The following RCAN1 variants were observed in gnomAD, a reference collection of about 807,000 sequenced individuals.
RCAN1 encodes calcipressin-1.
RCAN1 carries 11 observed loss-of-function variants against 22.9 expected under a neutral mutation model. That is an observed-to-expected ratio of 0.48 (90% CI 0.30 to 0.79). The LOEUF (loss-of-function observed/expected upper bound fraction) is 0.79, where lower values mean the gene tolerates loss of function less well. RCAN1 is among the 30% of genes least tolerant of loss of function. The probability of loss-of-function intolerance (pLI) is 0.06; values close to 1 mark genes in which losing one functional copy is unlikely to be tolerated. For missense variants in RCAN1, 291 were observed against 337.8 expected (o/e 0.86, Z 1.09); for synonymous variants, 136 against 142.3 (o/e 0.96, Z 0.32).
At chr21:34,541,684 C>T (rs1225217714) in intron 1 of RCAN1, among the ~76,000 whole-genome samples, 1 of 152,168 alleles carries the variant, frequency 6.6e-6, no homozygotes, top group East Asian at 1.9e-4. Flanking sequence ...CCTGTAATGC[C>T]AGCACTTTGG....
chr21:34,527,682 C>T (rs1456054957), intron 1 of RCAN1, among the ~76,000 whole-genome samples: 1 of 152,154 alleles, frequency 6.6e-6, no homozygotes, highest in African/African-American at 2.4e-5. Context: ...AGCAAAGAAG[C>T]ATTAACCCAT....
intron 1 of RCAN1, among the ~76,000 whole-genome samples, chr21:34,564,794 A>G (rs1346578112): frequency 2.0e-5 from 3 of 152,150 alleles, no homozygotes; most frequent in Non-Finnish European, 4.4e-5. Flanking sequence ...GTGCTACCCA[A>G]TATGTGATCA....
intron 1 of RCAN1, among the ~76,000 whole-genome samples, chr21:34,603,699 G>A (rs938061375): frequency 6.6e-6 from 1 of 152,176 alleles, no homozygotes; most frequent in African/African-American, 2.4e-5. Flanking sequence ...GGGTGAAGAA[G>A]TCTCCTTCAT....
intron 1 of RCAN1, among the ~76,000 whole-genome samples, chr21:34,583,385 C>G (rs965933014): frequency 6.6e-6 from 1 of 152,140 alleles, no homozygotes; most frequent in African/African-American, 2.4e-5. Context: ...CCATGTTGGT[C>G]AGGCTGGTCT....
chr21:34,594,141 A>G (rs1029680261), intron 1 of RCAN1, among the ~76,000 whole-genome samples: 10 of 152,216 alleles, frequency 6.6e-5, no homozygotes, highest in Admixed American at 1.3e-4. Context: ...TGAGAGCTGA[A>G]TGGGCAAAGG....
chr21:34,555,934 G>A (rs767624415), intron 1 of RCAN1, among the ~76,000 whole-genome samples: 1 of 151,690 alleles, frequency 6.6e-6, no homozygotes, highest in African/African-American at 2.4e-5. Flanking sequence ...ATGGTGGCGG[G>A]TGCCTGTCGT....
In RCAN1 at chr21:34,613,280, CA is replaced by C. The variant is rs563298043; in HGVS notation, c.252+1479del. 2.3e-3 allele frequency among the ~76,000 whole-genome samples: 354 copies of C among 152,330 alleles called. 2 individuals are homozygous for C. The highest frequency in any genetic ancestry group is 8.1e-3 in the African/African-American group (338 of 41,564). On this transcript the variant is annotated intron_variant, in intron 1 of 3. Coordinates refer to ENST00000313806, the MANE Select transcript of RCAN1 (RefSeq NM_004414.7). ...CAAGTCTTATTTTTTCCTATAGCAT[CA>C]TTACTTTCTGATACATTTGATATTT... is the stretch of plus-strand genomic sequence containing the variant.
At chr21:34,584,060 T>C (rs1987711436) in intron 1 of RCAN1, among the ~76,000 whole-genome samples, 1 of 152,248 alleles carries the variant, frequency 6.6e-6, no homozygotes. Flanking sequence ...GAATGGTTGT[T>C]CCTGCTCCTA....
intron 1 of RCAN1, among the ~76,000 whole-genome samples, chr21:34,597,136 T>C (rs1845767446): frequency 6.6e-6 from 1 of 152,110 alleles, no homozygotes; most frequent in Non-Finnish European, 1.5e-5. Context: ...TACCCTTCCA[T>C]GAATGAGCGA....
intron 1 of RCAN1, among the ~76,000 whole-genome samples, chr21:34,563,938 C>T (rs1306364450): frequency 1.3e-5 from 2 of 150,854 alleles, no homozygotes; most frequent in Non-Finnish European, 3.0e-5. Context: ...TGCACTCTAG[C>T]GTGGGCGACA....
chr21:34,557,649 T>C (rs1568907382), intron 1 of RCAN1, among the ~76,000 whole-genome samples: 1 of 152,214 alleles, frequency 6.6e-6, no homozygotes, highest in Non-Finnish European at 1.5e-5. Context: ...GACAATTTTT[T>C]AAAATAGTAA....
chr21:34,538,529 T>C (rs371689160), intron 1 of RCAN1, among the ~76,000 whole-genome samples: 5 of 152,268 alleles, frequency 3.3e-5, no homozygotes, highest in East Asian at 1.9e-4. Context: ...TACTGGCCGC[T>C]TCCAGACTCT....
chr21:34,573,039 T>C (rs1987287149), intron 1 of RCAN1, among the ~76,000 whole-genome samples: 1 of 152,210 alleles, frequency 6.6e-6, no homozygotes, highest in African/African-American at 2.4e-5. Context: ...ACCATATCCT[T>C]GGCTTATCTG....
chr21:34,538,100 C>T (rs1285695447), intron 1 of RCAN1, among the ~76,000 whole-genome samples: 1 of 152,112 alleles, frequency 6.6e-6, no homozygotes. Flanking sequence ...AATTCACTTA[C>T]AGATTTCTAC....
At chr21:34,575,742 AGC>A (rs1373294585) in intron 1 of RCAN1, among the ~76,000 whole-genome samples, 1 of 152,190 alleles carries the variant, frequency 6.6e-6, no homozygotes. Flanking sequence ...GGACTTCCTA[AGC>A]GCAGTTCCAT....
intron 1 of RCAN1, among the ~76,000 whole-genome samples, chr21:34,541,656 C>A (rs966934711): frequency 9.2e-5 from 14 of 152,204 alleles, no homozygotes; most frequent in African/African-American, 3.4e-4. Context: ...ATTCACGGGG[C>A]GGGAGCGATG....
At chr21:34,532,858 C>T (rs971108029) in intron 1 of RCAN1, among the ~76,000 whole-genome samples, 4 of 152,154 alleles carry the variant, frequency 2.6e-5, no homozygotes, top group East Asian at 1.9e-4. Flanking sequence ...ATCTTACTTT[C>T]GAACATTGCA....
chr21:34,600,736 G>A (rs1557267), intron 1 of RCAN1, among the ~76,000 whole-genome samples: 58,446 of 152,094 alleles, frequency 0.38, 11,505 homozygotes, highest in Admixed American at 0.45. Context: ...GTCTTAAGTT[G>A]TTTGCAACTT....
At chr21:34,611,804 A>G (rs953382124) in intron 1 of RCAN1, among the ~76,000 whole-genome samples, 2 of 152,210 alleles carry the variant, frequency 1.3e-5, no homozygotes, top group Non-Finnish European at 2.9e-5. Flanking sequence ...ATTCCCACCT[A>G]GAAGGATGGT....
Sources: allele counts gnomAD v4.1 joint callset (sites outside exome capture counted in the v4.1 genomes callset), GRCh38; gene constraint gnomAD v4.1.1; transcripts MANE v1.5; gene names NCBI Gene and HGNC (gene_info 2026-07-23, HGNC 2026-07-21).